Variants in PACRG observed in about 807,000 individuals in gnomAD.
PACRG encodes parkin coregulated gene protein.
PACRG carries 29 observed loss-of-function variants against 29.7 expected under a neutral mutation model. The observed-to-expected ratio is 0.98, with a 90% CI of 0.73 to 1.33. The LOEUF (loss-of-function observed/expected upper bound fraction) is 1.33, where lower values mean the gene tolerates loss of function less well. Ranked by LOEUF, PACRG falls within the 40% of genes most tolerant of loss-of-function variation. The pLI is 0.00. For missense variants in PACRG, 279 were observed against 316.2 expected (o/e 0.88, Z 0.89); for synonymous variants, 116 against 118.7 (o/e 0.98, Z 0.15).
At chr6:162,901,773 C>T (rs1250265681) in intron 2 of PACRG, among the ~76,000 whole-genome samples, 1 of 152,180 alleles carries the variant, frequency 6.6e-6, no homozygotes, top group African/African-American at 2.4e-5. Context: ...TGCTTTAAAT[C>T]CATTCCTAGC....
intron 2 of PACRG, among the ~76,000 whole-genome samples, chr6:163,030,251 A>T (rs541908169): frequency 4.7e-4 from 72 of 152,142 alleles, no homozygotes; most frequent in Non-Finnish European, 9.1e-4. Context: ...CACCTTGTGG[A>T]TGAGCATGGC....
At chr6:162,992,995 T>A (rs1329996521) in intron 2 of PACRG, among the ~76,000 whole-genome samples, 1 of 150,180 alleles carries the variant, frequency 6.7e-6, no homozygotes, top group Non-Finnish European at 1.5e-5. Flanking sequence ...CATTTCGTTA[T>A]GTACCCAGTA....
At chr6:163,211,686 C>T (rs1304218057) in intron 4 of PACRG, among the ~76,000 whole-genome samples, 1 of 152,154 alleles carries the variant, frequency 6.6e-6, no homozygotes, top group African/African-American at 2.4e-5. Context: ...AAGATGACTT[C>T]CTCGTTCCTC....
At chr6:163,078,676 C>A (rs1033188208) in intron 3 of PACRG, among the ~76,000 whole-genome samples, 1 of 151,966 alleles carries the variant, frequency 6.6e-6, no homozygotes, top group African/African-American at 2.4e-5. Flanking sequence ...TTTTAGTCAC[C>A]CGGGCTAGAG....
chr6:162,888,228 C>T (rs369176732), intron 2 of PACRG, among the ~76,000 whole-genome samples: 121 of 152,064 alleles, frequency 8.0e-4, no homozygotes, highest in African/African-American at 2.5e-3. Context: ...GTGGGATGTC[C>T]GTGCTGGCCA....
intron 4 of PACRG, among the ~76,000 whole-genome samples, chr6:163,273,166 T>A (rs13220528): frequency 0.24 from 34,995 of 147,250 alleles, 4,622 homozygotes; most frequent in Admixed American, 0.32. Flanking sequence ...GTGCTGGGAT[T>A]ACAGGCGTGA....
intron 4 of PACRG, among the ~76,000 whole-genome samples, chr6:163,143,854 C>A (rs1489668385): frequency 6.6e-6 from 1 of 152,064 alleles, no homozygotes; most frequent in Admixed American, 6.6e-5. Context: ...GAGGAAAGAC[C>A]AAGAGGTCGG....
At chr6:163,099,313 G>C (rs749374188) in intron 4 of PACRG, among the ~76,000 whole-genome samples, 1 of 152,272 alleles carries the variant, frequency 6.6e-6, no homozygotes, top group East Asian at 1.9e-4. Context: ...TTCAGCTAAG[G>C]CCTTACAGAT....
chr6:162,770,600 T>C (rs950469328), intron 1 of PACRG, among the ~76,000 whole-genome samples: 2 of 152,164 alleles, frequency 1.3e-5, no homozygotes, highest in African/African-American at 4.8e-5. Context: ...GCTCTGTCAC[T>C]CATTTGGTCT....
chr6:162,753,040 C>T (rs1226293730), intron 1 of PACRG, among the ~76,000 whole-genome samples: 5 of 152,086 alleles, frequency 3.3e-5, no homozygotes, highest in African/African-American at 1.2e-4. Context: ...TATATGTATA[C>T]AATGTGGCAT....
chr6:162,756,677 G>A (rs1486671606), intron 1 of PACRG, among the ~76,000 whole-genome samples: 9 of 151,926 alleles, frequency 5.9e-5, no homozygotes, highest in Non-Finnish European at 2.9e-5. Flanking sequence ...GCTTGCTATT[G>A]CCATTTTGTA....
chr6:162,735,685 C>G (rs1780113373), intron 1 of PACRG, among the ~76,000 whole-genome samples: 1 of 152,002 alleles, frequency 6.6e-6, no homozygotes, highest in Non-Finnish European at 1.5e-5. Context: ...CTACAGTTAC[C>G]CACTCTGTGA....
At chr6:163,100,170 C>T (rs866070225) in intron 4 of PACRG, among the ~76,000 whole-genome samples, 1 of 152,054 alleles carries the variant, frequency 6.6e-6, no homozygotes, top group Non-Finnish European at 1.5e-5. Context: ...CACGGCCTCC[C>T]CTGCAGGGAC....
At chr6:162,876,478 C>T (rs12662907) in intron 2 of PACRG, among the ~76,000 whole-genome samples, 59,383 of 152,018 alleles carry the variant, frequency 0.39, 11,901 homozygotes, top group African/African-American at 0.46. Context: ...ATGAGCTTTT[C>T]TTCATGTTTG....
intron 4 of PACRG, among the ~76,000 whole-genome samples, chr6:163,173,734 G>C (rs926872725): frequency 3.9e-5 from 6 of 152,306 alleles, no homozygotes; most frequent in African/African-American, 1.4e-4. Flanking sequence ...CTGAAAACTA[G>C]AGGGCACCTC....
chr6:162,927,809 G>GCAAACAAA (rs35293286), intron 2 of PACRG, among the ~76,000 whole-genome samples: 11 of 149,642 alleles, frequency 7.4e-5, no homozygotes, highest in African/African-American at 1.0e-4. Context: ...AAAAAGCAAA[G>GCAAACAAA]CAAACAAACA....
intron 4 of PACRG, among the ~76,000 whole-genome samples, chr6:163,178,866 TATTTTAAGTTGCCATTCAAAA>T (rs1028381890): frequency 6.6e-6 from 1 of 152,188 alleles, no homozygotes; most frequent in African/African-American, 2.4e-5. Context: ...CTCTCTGGTG[TATTTTAAGTTGCCATTCAAAA>T]ATAAAGCACT....
At chr6:162,753,993 T>TGTATA (rs1781710373) in intron 1 of PACRG, among the ~76,000 whole-genome samples, 1 of 152,190 alleles carries the variant, frequency 6.6e-6, no homozygotes, top group African/African-American at 2.4e-5. Flanking sequence ...TTCCTTATGA[T>TGTATA]GTATACTCAG....
intron 4 of PACRG, among the ~76,000 whole-genome samples, chr6:163,285,994 C>T (rs770946211): frequency 9.2e-5 from 14 of 152,142 alleles, no homozygotes; most frequent in Non-Finnish European, 1.8e-4. Context: ...ATGGTTCTGT[C>T]GTGTAAATCA....
Sources: gnomAD v4.1 joint callset for allele counts (sites outside exome capture counted in the v4.1 genomes callset) on GRCh38, gnomAD v4.1.1 for gene constraint, MANE v1.5 for transcripts, NCBI Gene and HGNC (gene_info 2026-07-23, HGNC 2026-07-21) for gene names.